Variants in FBXL17 observed in about 807,000 individuals in gnomAD.
FBXL17 encodes F-box/LRR-repeat protein 17.
In FBXL17, 22 loss-of-function variants were observed where a neutral mutation model predicts 66.2. That is an observed-to-expected ratio of 0.33 (90% CI 0.24 to 0.47). FBXL17 has a LOEUF of 0.47. FBXL17 is among the 20% of genes least tolerant of loss of function. FBXL17 has a pLI of 1.00. For missense variants in FBXL17, 878 were observed against 948.2 expected (o/e 0.93, Z 0.97); for synonymous variants, 474 against 400.5 (o/e 1.18, Z -2.19).
At chr5:108,100,499 T>G (rs1162482345) in intron 6 of FBXL17, among the ~76,000 whole-genome samples, 1 of 152,204 alleles carries the variant, frequency 6.6e-6, no homozygotes, top group Admixed American at 6.5e-5. Flanking sequence ...TCAACATGTA[T>G]TTCTAAAAGA....
At chr5:107,954,255 A>G (rs1011279632) in intron 7 of FBXL17, among the ~76,000 whole-genome samples, 14 of 152,246 alleles carry the variant, frequency 9.2e-5, no homozygotes, top group Non-Finnish European at 1.6e-4. Context: ...AATAAAATGG[A>G]TATAAAATAA....
At chr5:107,870,732 C>T (rs551531842) in intron 8 of FBXL17, among the ~76,000 whole-genome samples, 10 of 151,912 alleles carry the variant, frequency 6.6e-5, no homozygotes, top group South Asian at 6.3e-4. Flanking sequence ...ACTACAGGCG[C>T]GTGCCACCAT....
intron 7 of FBXL17, among the ~76,000 whole-genome samples, chr5:107,918,933 C>T (rs565366445): frequency 6.6e-6 from 1 of 152,108 alleles, no homozygotes; most frequent in African/African-American, 2.4e-5. Context: ...TAATCTTAAC[C>T]CTCTCTTGGC....
At chr5:108,143,375 A>ACACG (rs57578205) in intron 6 of FBXL17, among the ~76,000 whole-genome samples, 1 of 151,700 alleles carries the variant, frequency 6.6e-6, no homozygotes, top group African/African-American at 2.4e-5. Flanking sequence ...ACACACACAC[A>ACACG]TATACAAATA....
chr5:108,187,768 C>T (rs1021864974), intron 5 of FBXL17, among the ~76,000 whole-genome samples: 2 of 152,220 alleles, frequency 1.3e-5, no homozygotes, highest in Admixed American at 1.3e-4. Flanking sequence ...ATCCAGCTGA[C>T]ACCTTGAATT....
intron 4 of FBXL17, among the ~76,000 whole-genome samples, chr5:108,234,359 T>C (rs565101168): frequency 2.0e-5 from 3 of 152,300 alleles, no homozygotes; most frequent in African/African-American, 7.2e-5. Context: ...GAGAGCCTCA[T>C]AATAATATTG....
At chr5:108,279,169 C>T (rs572912641) in intron 4 of FBXL17, among the ~76,000 whole-genome samples, 2 of 152,238 alleles carry the variant, frequency 1.3e-5, no homozygotes, top group Non-Finnish European at 1.5e-5. Context: ...CTCAGAGACT[C>T]GTGAGCTGCT....
chr5:108,146,197 A>C (rs1751551696), intron 6 of FBXL17, among the ~76,000 whole-genome samples: 4 of 151,084 alleles, frequency 2.6e-5, no homozygotes. Context: ...GCACCACTGC[A>C]CTCCAGCCTG....
chr5:108,265,428 C>A (rs1465719238), intron 4 of FBXL17, among the ~76,000 whole-genome samples: 1 of 152,088 alleles, frequency 6.6e-6, no homozygotes, highest in East Asian at 1.9e-4. Flanking sequence ...CTCAACAATT[C>A]CCATAATATT....
intron 4 of FBXL17, among the ~76,000 whole-genome samples, chr5:108,304,792 T>A (rs1258203042): frequency 6.6e-6 from 1 of 152,028 alleles, no homozygotes; most frequent in East Asian, 1.9e-4. Flanking sequence ...TTACCTCATA[T>A]TTCAGCCTTG....
intron 7 of FBXL17, among the ~76,000 whole-genome samples, chr5:107,927,008 C>T (rs1750544990): frequency 6.6e-6 from 1 of 151,410 alleles, no homozygotes; most frequent in Admixed American, 6.6e-5. Context: ...TTGAAAATTG[C>T]ATAAGTGAAT....
At chr5:108,352,177 A>G (rs552567719) in intron 3 of FBXL17, among the ~76,000 whole-genome samples, 1 of 152,246 alleles carries the variant, frequency 6.6e-6, no homozygotes, top group Non-Finnish European at 1.5e-5. Context: ...ATCTCACTGC[A>G]GAAACTGATA....
chr5:108,285,886 T>C (rs1051897240), intron 4 of FBXL17, among the ~76,000 whole-genome samples: 3 of 150,284 alleles, frequency 2.0e-5, no homozygotes, highest in African/African-American at 7.3e-5. Context: ...GACACAAAAA[T>C]CCCCAAGAAA....
chr5:108,063,774 A>G (rs1299604815), intron 6 of FBXL17, among the ~76,000 whole-genome samples: 1 of 152,188 alleles, frequency 6.6e-6, no homozygotes, highest in Non-Finnish European at 1.5e-5. Flanking sequence ...TTTTAAAATG[A>G]TATCAATACA....
intron 1 of FBXL17, among the ~76,000 whole-genome samples, chr5:108,379,559 C>A (rs1361569655): frequency 6.6e-6 from 1 of 152,058 alleles, no homozygotes; most frequent in Non-Finnish European, 1.5e-5. Context: ...AAAGTCTAGT[C>A]AAAGAAACTA....
At chr5:108,185,068 C>T (rs1336345486) in intron 6 of FBXL17, among the ~76,000 whole-genome samples, 1 of 151,920 alleles carries the variant, frequency 6.6e-6, no homozygotes. Context: ...TTCCTTCCTG[C>T]AATATTTCAA....
intron 6 of FBXL17, among the ~76,000 whole-genome samples, chr5:108,113,960 T>C (rs1444398948): frequency 6.6e-6 from 1 of 152,216 alleles, no homozygotes; most frequent in Non-Finnish European, 1.5e-5. Flanking sequence ...CAGTTTCTTC[T>C]ATTTTTAGAA....
At chr5:108,359,048 T>C (rs1053033926) in intron 3 of FBXL17, among the ~76,000 whole-genome samples, 1 of 152,118 alleles carries the variant, frequency 6.6e-6, no homozygotes, top group African/African-American at 2.4e-5. Context: ...TTCTGGTTTC[T>C]GTATTTCTAG....
At chr5:108,063,903 T>G (rs908031303) in intron 6 of FBXL17, among the ~76,000 whole-genome samples, 2 of 152,168 alleles carry the variant, frequency 1.3e-5, no homozygotes, top group Non-Finnish European at 2.9e-5. Context: ...GATGCATTAT[T>G]TCTCAATTTC....
Sources: gnomAD v4.1 joint callset for allele counts (sites outside exome capture counted in the v4.1 genomes callset) on GRCh38, gnomAD v4.1.1 for gene constraint, MANE v1.5 for transcripts, NCBI Gene and HGNC (gene_info 2026-07-23, HGNC 2026-07-21) for gene names.